SLC39A11: variants seen among roughly 807,000 people sequenced by gnomAD.
The protein encoded by SLC39A11 is solute carrier family 39 member 11, also known as zinc transporter ZIP11.
A neutral mutation model predicts 36.1 loss-of-function variants in SLC39A11; 33 were observed. The observed-to-expected ratio is 0.91, with a 90% CI of 0.69 to 1.22. The LOEUF is 1.22. Ranked by LOEUF, SLC39A11 falls within the 50% of genes most tolerant of loss-of-function variation. The pLI is 0.00. For missense variants in SLC39A11, 432 were observed against 430.3 expected (o/e 1.00, Z -0.03); for synonymous variants, 166 against 170.3 (o/e 0.97, Z 0.20).
intron 6 of SLC39A11, among the ~76,000 whole-genome samples, chr17:72,751,958 C>G (rs887533829): frequency 6.6e-6 from 1 of 152,126 alleles, no homozygotes; most frequent in African/African-American, 2.4e-5. Flanking sequence ...CCTCCCACAG[C>G]CCCTGGCAAC....
chr17:72,710,615 G>A (rs1021200391), intron 7 of SLC39A11, among the ~76,000 whole-genome samples: 6 of 152,164 alleles, frequency 3.9e-5, no homozygotes, highest in Non-Finnish European at 5.9e-5. Context: ...CTAGAACTGT[G>A]AGAAATAAAT....
chr17:72,648,931 G>A lies in SLC39A11; in HGVS notation c.801C>T (p.Pro267=), dbSNP rs2069716109. Residue 267 remains proline (P), a synonymous_variant, in exon 9 of 10, where the codon CCC becomes CCT. Transcript: ENST00000255559. The stretch of plus-strand genomic sequence containing the variant: ...CAAAGGCACCAAAGACCCCGGCCAG[G>A]GGCTCCACCATGCCGCTCAGCTGCC... ...WYGQLSGMVE[P]LAGVFGAFAV... 1 of 1,613,746 alleles carries A rather than the reference G, an allele frequency of 6.2e-7. No individual in the cohort carries two copies. The highest frequency in any genetic ancestry group is 1.1e-5 in the South Asian group (1 of 91,056).
At chr17:73,083,081 G>T (rs7215177) in intron 3 of SLC39A11, among the ~76,000 whole-genome samples, 45,547 of 149,632 alleles carry the variant, frequency 0.3, 7,368 homozygotes, top group Middle Eastern at 0.53. Context: ...CACTTTCTCC[G>T]TGCCAGCACC....
chr17:73,053,785 T>G (rs2144000367), intron 3 of SLC39A11, among the ~76,000 whole-genome samples: 1 of 152,314 alleles, frequency 6.6e-6, no homozygotes, highest in Admixed American at 6.5e-5. Context: ...CCCACGCAGC[T>G]GATGGTTTGA....
At chr17:72,891,634 C>T (rs932096789) in intron 5 of SLC39A11, among the ~76,000 whole-genome samples, 6 of 151,938 alleles carry the variant, frequency 3.9e-5, no homozygotes, top group African/African-American at 9.7e-5. Flanking sequence ...ACTCTCTCTC[C>T]GGCCATTACC....
chr17:73,046,035 G>A (rs937995126), intron 3 of SLC39A11, among the ~76,000 whole-genome samples: 4 of 152,130 alleles, frequency 2.6e-5, no homozygotes, highest in African/African-American at 9.7e-5. Context: ...TAAGAAAGCA[G>A]CCCCTCCTAT....
intron 5 of SLC39A11, among the ~76,000 whole-genome samples, chr17:72,876,366 T>A (rs2080896905): frequency 6.6e-6 from 1 of 152,236 alleles, no homozygotes; most frequent in Admixed American, 6.5e-5. Context: ...AGCATGTTGT[T>A]AAGTTCCAAA....
At chr17:72,950,953 C>T (rs1468808245) in intron 4 of SLC39A11, among the ~76,000 whole-genome samples, 1 of 152,048 alleles carries the variant, frequency 6.6e-6, no homozygotes, top group African/African-American at 2.4e-5. Flanking sequence ...ATGCATAGGA[C>T]AGCCCCCACA....
intron 5 of SLC39A11, among the ~76,000 whole-genome samples, chr17:72,908,447 C>T (rs749233403): frequency 1.3e-5 from 2 of 152,198 alleles, no homozygotes; most frequent in African/African-American, 2.4e-5. Flanking sequence ...CAAAACAACA[C>T]GGCTGCATCT....
At chr17:72,933,372 T>C (rs2084543020) in intron 5 of SLC39A11, among the ~76,000 whole-genome samples, 1 of 152,206 alleles carries the variant, frequency 6.6e-6, no homozygotes, top group Non-Finnish European at 1.5e-5. Flanking sequence ...GTAGAGTATG[T>C]ATGATGAAGA....
intron 7 of SLC39A11, among the ~76,000 whole-genome samples, chr17:72,653,593 C>G (rs763032957): frequency 6.6e-6 from 1 of 152,078 alleles, no homozygotes; most frequent in Non-Finnish European, 1.5e-5. Context: ...GTGCCCACCA[C>G]CACGCCCAGC....
At chr17:72,698,693 T>C (rs1166040610) in intron 7 of SLC39A11, among the ~76,000 whole-genome samples, 1 of 152,190 alleles carries the variant, frequency 6.6e-6, no homozygotes, top group Admixed American at 6.5e-5. Context: ...CATATATTCT[T>C]CTAGCTACTG....
chr17:73,010,373 A>C (rs11077654), intron 4 of SLC39A11, among the ~76,000 whole-genome samples: 106,289 of 152,076 alleles, frequency 0.7, 41,118 homozygotes, highest in Non-Finnish European at 0.87. Flanking sequence ...CTTGGGCTTC[A>C]AAAAGAAACA....
intron 5 of SLC39A11, among the ~76,000 whole-genome samples, chr17:72,900,036 A>AAGAGAGAGAGAG (rs1193214146): frequency 8.0e-6 from 1 of 124,640 alleles, no homozygotes; most frequent in Non-Finnish European, 1.7e-5. Flanking sequence ...GAGAGAGAGA[A>AAGAGAGAGAGAG]AGAGAGAGAG....
chr17:72,838,095 C>T (rs2078645848), intron 6 of SLC39A11: 1 of 596,748 alleles, frequency 1.7e-6, no homozygotes, highest in African/African-American at 1.9e-5. Context: ...GCCACCCTGG[C>T]CAACACAGCA....
intron 6 of SLC39A11, among the ~76,000 whole-genome samples, chr17:72,803,996 C>CT (rs1322132127): frequency 4.6e-5 from 6 of 129,174 alleles, no homozygotes; most frequent in Non-Finnish European, 8.0e-5. Context: ...TAAACACTAT[C>CT]TTTTTTGGGT....
At chr17:72,731,280 T>G (rs1228682038) in intron 7 of SLC39A11, among the ~76,000 whole-genome samples, 1 of 152,200 alleles carries the variant, frequency 6.6e-6, no homozygotes, top group Non-Finnish European at 1.5e-5. Flanking sequence ...AACTGTCGTT[T>G]CTGTGTAGAG....
At chr17:72,895,300 T>C (rs1368397802) in intron 5 of SLC39A11, among the ~76,000 whole-genome samples, 1 of 152,078 alleles carries the variant, frequency 6.6e-6, no homozygotes, top group Non-Finnish European at 1.5e-5. Flanking sequence ...AATAAATGGC[T>C]GGGTGCGCGG....
chr17:72,700,751 A>G (rs577348707), intron 7 of SLC39A11, among the ~76,000 whole-genome samples: 2 of 152,366 alleles, frequency 1.3e-5, no homozygotes, highest in African/African-American at 4.8e-5. Context: ...CAGTCATGGC[A>G]GAAGGTGAAA....
Sources: gnomAD v4.1 joint callset for allele counts (sites outside exome capture counted in the v4.1 genomes callset) on GRCh38, gnomAD v4.1.1 for gene constraint, MANE v1.5 for transcripts, NCBI Gene and HGNC (gene_info 2026-07-23, HGNC 2026-07-21) for gene names.